DSC2: variants seen among roughly 807,000 people sequenced by gnomAD.
DSC2 encodes desmocollin 2.
DSC2 carries 51 observed loss-of-function variants against 87.6 expected under a neutral mutation model. The ratio of observed to expected loss-of-function variants is 0.58; its 90% CI spans 0.46 to 0.74. The LOEUF (loss-of-function observed/expected upper bound fraction) is 0.74. Among genes scored for constraint, DSC2 ranks in the 30% least tolerant of loss-of-function variants. The probability of loss-of-function intolerance (pLI) is 0.00; values close to 1 mark genes in which losing one functional copy is unlikely to be tolerated. For synonymous variants in DSC2, 383 were observed against 393.2 expected (o/e 0.97, Z 0.31); for missense variants, 1,066 against 1,089.5 (o/e 0.98, Z 0.30).
chr18:31,097,770 A>T (rs1025871663), intron 1 of DSC2, among the ~76,000 whole-genome samples: 1 of 151,876 alleles, frequency 6.6e-6, no homozygotes, highest in Non-Finnish European at 1.5e-5. Context: ...TAAAGTCCCT[A>T]AAAGTTGTAA....
intron 11 of DSC2, 117 bp from the exon 12 acceptor site, chr18:31,075,024 C>T: frequency 9.7e-7 from 1 of 1,026,084 alleles, no homozygotes; most frequent in Admixed American, 2.0e-5. Context: ...GTTACAATGA[C>T]AAGCAGTCAC....
At chr18:31,101,073 G>A in intron 1 of DSC2, 1 of 465,674 alleles carries the variant, frequency 2.1e-6, no homozygotes, top group Non-Finnish European at 2.8e-6. Flanking sequence ...CCTGGGGCAA[G>A]GGGCGGTGGC....
At position 31,080,063 on chromosome 18, in the gene DSC2, T is replaced by C. The variant is rs1167148128; in HGVS notation, c.1520+33A>G. 5 of 1,612,702 alleles carry C rather than the reference T, an allele frequency of 3.1e-6. No individual in the cohort carries two copies. The African/African-American group carries it at 4.0e-5, about 13-fold the overall frequency. ...TATAATAACGTAACAAAATAAGCTA[T>C]ATATTTTAAAACTAAAATAGAATGG... On this transcript the variant is annotated intron_variant, in intron 10 of 15. Coordinates refer to ENST00000280904, the MANE Select transcript of DSC2 (RefSeq NM_024422.6).
intron 1 of DSC2, among the ~76,000 whole-genome samples, chr18:31,095,331 G>A (rs1237827972): frequency 6.6e-6 from 1 of 152,160 alleles, no homozygotes; most frequent in Non-Finnish European, 1.5e-5. Context: ...AATGGCAAAT[G>A]ATGTAGGGTC....
Position 31,092,256 on chromosome 18 carries a change from T to C in DSC2, c.199A>G (p.Ser67Gly). 2 of 1,613,812 alleles carry C rather than the reference T, an allele frequency of 1.2e-6. No homozygotes were observed. Among genetic ancestry groups the C allele is most frequent in the East Asian group, 2.2e-5 (1 of 44,810 alleles). ...CFTAANLIHS[S>G]DPDFQILEDG... ...TCCAAAATTTGGAAGTCAGGATCAC[T>C]TGAATGAATTAGATTTGCAGCTGTA... Residue 67 changes from serine (S) to glycine (G), a missense_variant, in exon 3 of 16, where the codon AGT (serine) becomes GGT (glycine). Physicochemically the swap from Ser to Gly is moderately conservative, Grantham distance 56 (BLOSUM62 0). Coordinates refer to ENST00000280904, the MANE Select transcript of DSC2 (RefSeq NM_024422.6).
chr18:31,066,925 C>T lies in DSC2; in HGVS notation c.*1090G>A, dbSNP rs1986638763. ...TAAACTGCATCCTTGCATTACAGAACTGTAAATGTGTTGTCATACAGTAAA... is the reference window on the plus strand; with the variant it reads ...TAAACTGCATCCTTGCATTACAGAATTGTAAATGTGTTGTCATACAGTAAA... On this transcript the variant is annotated 3_prime_UTR_variant, in exon 16 of 16. Transcript: ENST00000280904. The T allele has an allele frequency of 6.6e-6, 1 of 152,088 alleles. No homozygotes were observed. The highest frequency in any genetic ancestry group is 1.5e-5 in the Non-Finnish European group (1 of 67,974). 9.4% of individuals were successfully genotyped at this position (152,088 alleles called of 1,614,324 possible).
intron 12 of DSC2, among the ~76,000 whole-genome samples, chr18:31,074,215 C>T (rs1166980190): frequency 6.6e-6 from 1 of 152,184 alleles, no homozygotes; most frequent in African/African-American, 2.4e-5. Context: ...TTCAAAGCTA[C>T]TGATCCCAAG....
rs957831024 is a variant in DSC2, at chr18:31,065,585, C to T, written c.*2430G>A. 3.9e-5 allele frequency: 6 copies of T among 152,164 alleles called. No individual in the cohort carries two copies. Among genetic ancestry groups the T allele is most frequent in the East Asian group, 1.9e-4 (1 of 5,190 alleles). The allele number at this position is 152,164 out of a possible 1,614,324, so 9.4% of individuals were successfully genotyped here. On this transcript the variant is annotated 3_prime_UTR_variant, in exon 16 of 16. Transcript: ENST00000280904. ...GTCTTAGCACTTGGGGTTACTATGACGACTGCCAAACAGCCATGACCTCCC... is the reference window on the plus strand; with the variant it reads ...GTCTTAGCACTTGGGGTTACTATGATGACTGCCAAACAGCCATGACCTCCC...
Position 31,092,261 on chromosome 18 carries a change from T to A in DSC2, c.194A>T (p.His65Leu). 6.2e-7 allele frequency: 1 copy of A among 1,613,790 alleles called. No individual in the cohort carries two copies. The highest frequency in any genetic ancestry group is 1.1e-5 in the South Asian group (1 of 91,072). Residue 65 changes from histidine (H) to leucine (L), a missense_variant, in exon 3 of 16, where the codon CAT (histidine) becomes CTT (leucine). Physicochemically the swap from His to Leu is moderately conservative, Grantham distance 99. Coordinates refer to ENST00000280904, the MANE Select transcript of DSC2 (RefSeq NM_024422.6). ...AATTTGGAAGTCAGGATCACTTGAA[T>A]GAATTAGATTTGCAGCTGTAAAGCA... is the stretch of plus-strand genomic sequence containing the variant. ...KECFTAANLIHSSDPDFQILE... is the reference protein window; with the variant it reads ...KECFTAANLILSSDPDFQILE...
intron 1 of DSC2, among the ~76,000 whole-genome samples, chr18:31,096,837 G>T (rs941552787): frequency 6.6e-6 from 1 of 151,990 alleles, no homozygotes; most frequent in African/African-American, 2.4e-5. Flanking sequence ...ATATTTGCAA[G>T]AGAAGGATAT....
At position 31,067,688 on chromosome 18, in the gene DSC2, A is replaced by C. The variant is rs1986670098; in HGVS notation, c.*327T>G. 2 of 295,224 alleles carry C rather than the reference A, an allele frequency of 6.8e-6. No homozygotes were observed. The highest frequency in any genetic ancestry group is 1.3e-5 in the Non-Finnish European group (2 of 155,090). 18.3% of individuals were successfully genotyped at this position (295,224 alleles called of 1,614,324 possible). A position where few individuals can be genotyped will look rare whatever the true frequency, so the allele number is the denominator to read the frequency against. ...TTAGGTTGTGCTTCAAATAGTCTAT[A>C]ATAAGGACTTGAATTAATTACATTT... On this transcript the variant is annotated 3_prime_UTR_variant, in exon 16 of 16. Transcript: ENST00000280904.
chr18:31,083,220 T>TTTTTC (rs1299955898), intron 7 of DSC2, among the ~76,000 whole-genome samples, 160 bp from the exon 8 acceptor site: 1 of 152,230 alleles, frequency 6.6e-6, no homozygotes, highest in Non-Finnish European at 1.5e-5. Context: ...TCACTAGTAA[T>TTTTTC]TTTTCTTTTC....
In DSC2 at chr18:31,091,134, C is replaced by A. The variant is rs371330011; in HGVS notation, c.368G>T (p.Arg123Ile). ...LEHQTKVLKK[R>I]HTKEKVLRRA... is the part of the protein sequence containing the mutation. ...CCTTAGAACTTTTTCTTTAGTATGTCTTTTCTTTAGGACCTCAATTCATAA... is the reference window on the plus strand; with the variant it reads ...CCTTAGAACTTTTTCTTTAGTATGTATTTTCTTTAGGACCTCAATTCATAA... The change falls in exon 4 of 16, where the codon AGA becomes ATA. Residue 123 changes from arginine to isoleucine, a missense_variant. Coordinates refer to ENST00000280904, the MANE Select transcript of DSC2 (RefSeq NM_024422.6). The A allele has an allele frequency of 6.2e-7, 1 of 1,613,782 alleles. No individual in the cohort carries two copies. The highest frequency in any genetic ancestry group is 8.5e-7 in the Non-Finnish European group (1 of 1,179,874).
intron 8 of DSC2, 99 bp from the exon 9 acceptor site, chr18:31,082,522 A>G: frequency 9.1e-7 from 1 of 1,096,094 alleles, no homozygotes; most frequent in Non-Finnish European, 1.4e-6. Flanking sequence ...CCAAAGTACT[A>G]TGTTTACATG....
intron 4 of DSC2, among the ~76,000 whole-genome samples, chr18:31,089,870 A>T (rs1987534078): frequency 6.6e-6 from 1 of 152,180 alleles, no homozygotes. Flanking sequence ...AAAAACACTT[A>T]AGACTCTTCC....
intron 12 of DSC2, 126 bp downstream of exon 12, chr18:31,074,557 A>G (rs1986944875): frequency 2.2e-6 from 2 of 929,838 alleles, no homozygotes; most frequent in Admixed American, 2.1e-5. Context: ...CCCAACACAC[A>G]AAAACTGAGA....
At chr18:31,086,481 T>A (rs1987397405) in intron 7 of DSC2, 95 bp downstream of exon 7, 2 of 1,420,038 alleles carry the variant, frequency 1.4e-6, no homozygotes, top group East Asian at 4.6e-5. Flanking sequence ...TAAAATGAGA[T>A]TCACAACATA....
At chr18:31,097,560 A>T (rs1184447371) in intron 1 of DSC2, among the ~76,000 whole-genome samples, 3 of 151,866 alleles carry the variant, frequency 2.0e-5, no homozygotes, top group Non-Finnish European at 4.4e-5. Flanking sequence ...GGCTATAAGG[A>T]AAAAATAAAA....
chr18:31,062,449 G>C lies in DSC2; in HGVS notation c.*5566C>G, dbSNP rs1365979944. On this transcript the variant is annotated 3_prime_UTR_variant, in exon 16 of 16. Transcript: ENST00000280904. ...TGTTTGAACCTGGCAATGATGAAGT[G>C]ACAGTCGCAAACATAATTTTCACAT... is the stretch of plus-strand genomic sequence containing the variant. The C allele has an allele frequency of 3.9e-5, 6 of 151,924 alleles. No homozygotes were observed. The highest frequency in any genetic ancestry group is 1.5e-4 in the African/African-American group (6 of 41,350). 9.4% of individuals were successfully genotyped at this position (151,924 alleles called of 1,614,324 possible). A position where few individuals can be genotyped will look rare whatever the true frequency, so the allele number is the denominator to read the frequency against.
Sources: allele counts gnomAD v4.1 joint callset (sites outside exome capture counted in the v4.1 genomes callset), GRCh38; gene constraint gnomAD v4.1.1; transcripts MANE v1.5; gene names NCBI Gene and HGNC (gene_info 2026-07-23, HGNC 2026-07-21).